The following KIAA0753 variants were observed in gnomAD, a reference collection of about 807,000 sequenced individuals.
KIAA0753 encodes the protein KIAA0753, also known as protein moonraker.
In KIAA0753, 114 loss-of-function variants were observed where a neutral mutation model predicts 116.9. The observed-to-expected ratio is 0.98, with a 90% confidence interval of 0.84 to 1.14. The LOEUF (loss-of-function observed/expected upper bound fraction) is 1.14. KIAA0753 is among the 50% of genes most tolerant of loss of function. The pLI is 0.00. For missense variants in KIAA0753, 1,156 were observed against 1,172.4 expected, an observed-to-expected ratio of 0.99 and a Z score of 0.20; for synonymous variants, 405 against 413.1, an observed-to-expected ratio of 0.98 and a Z score of 0.24.
chr17:6,617,119 T>C (rs1390244820), intron 7 of KIAA0753, among the ~76,000 whole-genome samples: 1 of 152,216 alleles, frequency 6.6e-6, no homozygotes, highest in African/African-American at 2.4e-5. Context: ...CTCCAGTCTA[T>C]CAAAATGAGC....
chr17:6,606,247 A>C (rs1021852490), intron 12 of KIAA0753, among the ~76,000 whole-genome samples: 2 of 152,196 alleles, frequency 1.3e-5, no homozygotes, highest in Non-Finnish European at 2.9e-5. Context: ...TTCTAACCTG[A>C]GACTGAACAC....
intron 9 of KIAA0753, among the ~76,000 whole-genome samples, chr17:6,609,707 A>G (rs1207096855): frequency 1.3e-5 from 2 of 152,242 alleles, no homozygotes; most frequent in Non-Finnish European, 2.9e-5. Context: ...ATCTATTGGC[A>G]GAAGAGACAA....
In KIAA0753 at chr17:6,635,207, T is replaced by G. The variant is rs910363672; in HGVS notation, c.-68-36A>C. ...ACAAAGCTACTTCAGACCAACAGCG[T>G]TGAACAAGGGAAAAGAACAGATAAA... On this transcript the variant is annotated intron_variant, in intron 1 of 18. Coordinates refer to ENST00000361413, the MANE Select transcript of KIAA0753 (RefSeq NM_014804.3). 6.1e-6 allele frequency: 5 copies of G among 815,252 alleles called. No homozygotes were observed. The South Asian group carries it at 7.3e-5, about 12-fold the overall frequency. 50.5% of individuals were successfully genotyped at this position (815,252 alleles called of 1,614,324 possible).
chr17:6,607,927 C>A (rs1462236188), intron 10 of KIAA0753, among the ~76,000 whole-genome samples: 2 of 152,196 alleles, frequency 1.3e-5, no homozygotes, highest in Non-Finnish European at 2.9e-5. Context: ...TAACCCTCCC[C>A]CGTTTCTAAA....
chr17:6,600,752 G>A (rs918061969), intron 12 of KIAA0753, among the ~76,000 whole-genome samples: 1 of 152,108 alleles, frequency 6.6e-6, no homozygotes, highest in Non-Finnish European at 1.5e-5. Context: ...GTAACGCACT[G>A]AGTACACTTC....
At chr17:6,632,031 C>A (rs1353399617) in intron 2 of KIAA0753, among the ~76,000 whole-genome samples, 1 of 152,164 alleles carries the variant, frequency 6.6e-6, no homozygotes, top group Non-Finnish European at 1.5e-5. Context: ...TATAGGTGTG[C>A]ACCATCATGC....
intron 12 of KIAA0753, among the ~76,000 whole-genome samples, chr17:6,601,625 C>G (rs1461744325): frequency 6.6e-6 from 1 of 152,148 alleles, no homozygotes; most frequent in African/African-American, 2.4e-5. Flanking sequence ...TGAATTTCGA[C>G]CAGTATTTCA....
intron 6 of KIAA0753, among the ~76,000 whole-genome samples, chr17:6,621,508 G>A (rs896197194): frequency 3.3e-5 from 5 of 152,256 alleles, no homozygotes; most frequent in Non-Finnish European, 7.4e-5. Flanking sequence ...ATCCATTACT[G>A]GGAAGTCAGG....
intron 2 of KIAA0753, among the ~76,000 whole-genome samples, chr17:6,630,146 A>T (rs1428169494): frequency 6.6e-6 from 1 of 151,610 alleles, no homozygotes; most frequent in Non-Finnish European, 1.5e-5. Context: ...TTATAATAAT[A>T]ATTATTGAAG....
chr17:6,591,171 A>T (rs1969039016), intron 16 of KIAA0753, among the ~76,000 whole-genome samples: 1 of 152,224 alleles, frequency 6.6e-6, no homozygotes, highest in Non-Finnish European at 1.5e-5. Flanking sequence ...TGCTGAAAAA[A>T]TCTGCATGAT....
Position 6,599,242 on chromosome 17 carries a change from G to A in KIAA0753, c.2167C>T (p.Gln723Ter), listed in dbSNP as rs1969685712. 1 of 1,611,990 alleles carries A rather than the reference G, an allele frequency of 6.2e-7. No individual in the cohort carries two copies. The highest frequency in any genetic ancestry group is 8.5e-7 in the Non-Finnish European group (1 of 1,178,134). Reference protein sequence around the residue: ...SVNTAKAQPAQEVAAVDFESN... With the variant: ...SVNTAKAQPA ...CAATATCACACAACGCATACCTCCT[G>A]TGCAGGCTGGGCTTTCGCTGTGTTT... Residue 723 changes from glutamine (Q) to a stop codon, truncating the protein, a stop_gained, in exon 14 of 19, where the codon CAG becomes TAG. Coordinates refer to ENST00000361413, the MANE Select transcript of KIAA0753 (RefSeq NM_014804.3). LOFTEE classifies it high-confidence loss of function.
Position 6,591,412 on chromosome 17 carries a change from G to C in KIAA0753, c.2441-782C>G, listed in dbSNP as rs568287150. Among the ~76,000 whole-genome samples the C allele has an allele frequency of 1.7e-4, 26 of 152,312 alleles. No individual in the cohort carries two copies. In the South Asian group the frequency reaches 5.4e-3, roughly 32 times the overall value. On this transcript the variant is annotated intron_variant, in intron 16 of 18. Coordinates refer to ENST00000361413, the MANE Select transcript of KIAA0753 (RefSeq NM_014804.3). ...AGCTTTTGTAAAACTATTACTGAGA[G>C]TGCAATCAAATTTTCAATTGTTCTC...
At chr17:6,583,677 T>G (rs1968361034) in intron 18 of KIAA0753, among the ~76,000 whole-genome samples, 2 of 152,244 alleles carry the variant, frequency 1.3e-5, no homozygotes, top group Admixed American at 1.3e-4. Context: ...ACTTTATCTT[T>G]CATTCTAGAA....
chr17:6,618,128 A>T (rs115719567), intron 7 of KIAA0753, among the ~76,000 whole-genome samples: 3,134 of 152,038 alleles, frequency 0.021, 102 homozygotes, highest in African/African-American at 0.07. Flanking sequence ...GAAAAAAAAA[A>T]TCCCACAACT....
At chr17:6,597,893 A>C (rs1969590100) in intron 14 of KIAA0753, among the ~76,000 whole-genome samples, 1 of 152,218 alleles carries the variant, frequency 6.6e-6, no homozygotes, top group African/African-American at 2.4e-5. Context: ...GCCAACTTTG[A>C]TGAGTTTGTT....
chr17:6,623,810 T>C, intron 4 of KIAA0753: 1 of 398,436 alleles, frequency 2.5e-6, no homozygotes, highest in Non-Finnish European at 4.3e-6. Flanking sequence ...TAATAGGAAT[T>C]TAGCATGAAG....
At chr17:6,594,113 T>G (rs1969284889) in intron 16 of KIAA0753, among the ~76,000 whole-genome samples, 1 of 152,200 alleles carries the variant, frequency 6.6e-6, no homozygotes, top group Non-Finnish European at 1.5e-5. Flanking sequence ...AAACTTAAGA[T>G]ATACACACAG....
At chr17:6,632,218 C>T (rs76544579) in intron 2 of KIAA0753, among the ~76,000 whole-genome samples, 4,153 of 152,214 alleles carry the variant, frequency 0.027, 180 homozygotes, top group African/African-American at 0.09. Context: ...TGTCTTTTTA[C>T]ACCATAAAGT....
At chr17:6,624,907 T>A in intron 3 of KIAA0753, 46 bp from the exon 4 acceptor site, 1 of 1,227,000 alleles carries the variant, frequency 8.1e-7, no homozygotes, top group Non-Finnish European at 1.2e-6. Flanking sequence ...ATAAACCATA[T>A]ATTAAAACTT....
Sources: gnomAD v4.1 joint callset for allele counts (sites outside exome capture counted in the v4.1 genomes callset) on GRCh38, gnomAD v4.1.1 for gene constraint, MANE v1.5 for transcripts, NCBI Gene and HGNC (gene_info 2026-07-23, HGNC 2026-07-21) for gene names.